RSU1: variants seen among roughly 807,000 people sequenced by gnomAD.
RSU1 encodes rsu-1.
A neutral mutation model predicts 31.1 loss-of-function variants in RSU1; 26 were observed. The observed-to-expected ratio is 0.84, with a 90% CI of 0.61 to 1.16. The LOEUF is 1.16. Among genes scored for constraint, RSU1 ranks in the 50% most tolerant of loss-of-function variants. RSU1 has a pLI of 0.00. For synonymous variants in RSU1, 164 were observed against 136.3 expected (o/e 1.20, Z -1.41); for missense variants, 320 against 339.1 (o/e 0.94, Z 0.44).
At chr10:16,763,045 T>C (rs1020588655) in intron 4 of RSU1, among the ~76,000 whole-genome samples, 4 of 151,338 alleles carry the variant, frequency 2.6e-5, no homozygotes, top group African/African-American at 9.7e-5. Flanking sequence ...CTGGCCAGCA[T>C]CTATTGCCAC....
intron 8 of RSU1, among the ~76,000 whole-genome samples, chr10:16,639,599 G>A (rs1834404167): frequency 6.6e-6 from 1 of 152,178 alleles, no homozygotes; most frequent in African/African-American, 2.4e-5. Flanking sequence ...TACAGCAAAA[G>A]GGATCCTTGA....
intron 7 of RSU1, among the ~76,000 whole-genome samples, chr10:16,749,774 T>C (rs1050448349): frequency 1.3e-5 from 2 of 152,248 alleles, no homozygotes; most frequent in Non-Finnish European, 2.9e-5. Context: ...CTTGCTCACA[T>C]GCCGGCAAAG....
In RSU1 at chr10:16,695,158, G is replaced by GGC. The variant is rs1554767083; in HGVS notation, c.599-4_599-3insGC. ...CTGGCCAGTTAAATCCAAGTTTCCT[G>GGC]GGGGGGGGGAAAAAAAAAGTGAAGG... On this transcript the variant is annotated splice_polypyrimidine_tract_variant and splice_region_variant and intron_variant, in intron 7 of 8. Transcript: ENST00000345264. The GGC allele has an allele frequency of 4.6e-5, 39 of 847,792 alleles. No individual in the cohort carries two copies. In the South Asian group the frequency reaches 6.9e-4, roughly 15 times the overall value. The allele number at this position is 847,792 out of a possible 1,614,324, so 52.5% of individuals were successfully genotyped here.
At chr10:16,661,846 T>A (rs1167444434) in intron 8 of RSU1, among the ~76,000 whole-genome samples, 1 of 152,256 alleles carries the variant, frequency 6.6e-6, no homozygotes, top group Admixed American at 6.5e-5. Context: ...TTAGCACATT[T>A]CTTTGGTTTC....
At chr10:16,797,073 A>G (rs116234253) in intron 2 of RSU1, among the ~76,000 whole-genome samples, 67 of 152,338 alleles carry the variant, frequency 4.4e-4, no homozygotes, top group African/African-American at 1.6e-3. Flanking sequence ...GCCCATTCCA[A>G]CAGCAGGGCC....
At chr10:16,798,376 G>A (rs1463542433) in intron 2 of RSU1, among the ~76,000 whole-genome samples, 2 of 152,178 alleles carry the variant, frequency 1.3e-5, no homozygotes, top group African/African-American at 2.4e-5. Flanking sequence ...ATCTTGAACT[G>A]TAATCCTCAT....
chr10:16,666,450 T>G (rs1042529769), intron 8 of RSU1, among the ~76,000 whole-genome samples: 1 of 152,222 alleles, frequency 6.6e-6, no homozygotes, highest in Non-Finnish European at 1.5e-5. Context: ...TACTTTAGAC[T>G]TTCCTAATGG....
intron 7 of RSU1, among the ~76,000 whole-genome samples, chr10:16,734,008 A>G (rs766962728): frequency 2.6e-5 from 4 of 152,230 alleles, no homozygotes; most frequent in Non-Finnish European, 4.4e-5. Context: ...ATCTGCCACT[A>G]TATCAGCTTC....
chr10:16,657,784 G>C (rs916420768), intron 8 of RSU1, among the ~76,000 whole-genome samples: 1 of 152,138 alleles, frequency 6.6e-6, no homozygotes, highest in African/African-American at 2.4e-5. Context: ...CTTGAGGCCA[G>C]GAATTCGAGA....
chr10:16,611,182 G>C (rs944752790), intron 8 of RSU1, among the ~76,000 whole-genome samples: 1 of 152,158 alleles, frequency 6.6e-6, no homozygotes, highest in Non-Finnish European at 1.5e-5. Context: ...GCCGTTTCCA[G>C]GGTGGACCAG....
At chr10:16,811,536 A>G (rs1838409119) in intron 2 of RSU1, among the ~76,000 whole-genome samples, 5 of 152,230 alleles carry the variant, frequency 3.3e-5, no homozygotes, top group Admixed American at 3.3e-4. Context: ...AACAAAAAAG[A>G]TGCTTACAAA....
At chr10:16,682,535 T>TACACACACATAC (rs1554766234) in intron 8 of RSU1, among the ~76,000 whole-genome samples, 1 of 26,480 alleles carries the variant, frequency 3.8e-5, no homozygotes, top group African/African-American at 1.5e-4. Flanking sequence ...AAATCATTCA[T>TACACACACATAC]ACACACACAC....
intron 8 of RSU1, among the ~76,000 whole-genome samples, chr10:16,602,340 A>T (rs533922824): frequency 6.6e-6 from 1 of 152,324 alleles, no homozygotes; most frequent in South Asian, 2.1e-4. Context: ...TGCATTCATT[A>T]TTCACTGTCG....
At chr10:16,603,043 T>C (rs1387942251) in intron 8 of RSU1, among the ~76,000 whole-genome samples, 1 of 152,182 alleles carries the variant, frequency 6.6e-6, no homozygotes, top group Non-Finnish European at 1.5e-5. Context: ...GGAAATGTTT[T>C]TTTTTCTTTT....
At chr10:16,651,603 G>A (rs1834684853) in intron 8 of RSU1, among the ~76,000 whole-genome samples, 1 of 152,172 alleles carries the variant, frequency 6.6e-6, no homozygotes, top group South Asian at 2.1e-4. Context: ...TCGAAGAGGT[G>A]TAAATATACA....
intron 7 of RSU1, among the ~76,000 whole-genome samples, chr10:16,714,691 T>C (rs911356719): frequency 2.0e-5 from 3 of 152,014 alleles, no homozygotes; most frequent in Admixed American, 1.3e-4. Context: ...GCTATGGTCA[T>C]AGTGCTGCAG....
chr10:16,711,660 G>T (rs1167301077), intron 7 of RSU1, among the ~76,000 whole-genome samples: 2 of 152,082 alleles, frequency 1.3e-5, no homozygotes, highest in Non-Finnish European at 2.9e-5. Flanking sequence ...GTTGTTGAGG[G>T]CCATGTTGTT....
chr10:16,812,878 A>G (rs1488100800), intron 2 of RSU1, among the ~76,000 whole-genome samples: 1 of 152,224 alleles, frequency 6.6e-6, no homozygotes, highest in African/African-American at 2.4e-5. Flanking sequence ...TTCAAAATCA[A>G]CTTTATCAAC....
chr10:16,764,652 A>G (rs1837277126), intron 3 of RSU1, 142 bp from the exon 4 acceptor site: 2 of 868,096 alleles, frequency 2.3e-6, no homozygotes, highest in Admixed American at 3.0e-5. Flanking sequence ...GGTCTTATTT[A>G]TTTTTTACAG....
Sources: gnomAD v4.1 joint callset for allele counts (sites outside exome capture counted in the v4.1 genomes callset) on GRCh38, gnomAD v4.1.1 for gene constraint, MANE v1.5 for transcripts, NCBI Gene and HGNC (gene_info 2026-07-23, HGNC 2026-07-21) for gene names.